TRAPPC10: variants seen among roughly 807,000 people sequenced by gnomAD.
TRAPPC10 encodes the protein trafficking protein particle complex subunit 10.
TRAPPC10 carries 23 observed loss-of-function variants against 125.5 expected under a neutral mutation model. That is an observed-to-expected ratio of 0.18 (90% CI 0.13 to 0.26). The LOEUF (loss-of-function observed/expected upper bound fraction) is 0.26. TRAPPC10 is among the 10% of genes least tolerant of loss of function. The pLI is 1.00. For synonymous variants in TRAPPC10, 509 were observed against 518.0 expected (o/e 0.98, Z 0.24); for missense variants, 1,123 against 1,308.4 (o/e 0.86, Z 2.19).
chr21:44,053,313 G>C (rs544156338), intron 4 of TRAPPC10, among the ~76,000 whole-genome samples: 3 of 152,098 alleles, frequency 2.0e-5, no homozygotes, highest in South Asian at 4.1e-4. Flanking sequence ...TACATAATAC[G>C]TGTGTGTATT....
Position 44,055,855 on chromosome 21 carries a change from G to C in TRAPPC10, c.640G>C (p.Glu214Gln), listed in dbSNP as rs760489413. The C allele has an allele frequency of 1.7e-5, 28 of 1,610,548 alleles. No homozygotes were observed. The highest frequency in any genetic ancestry group is 1.5e-4 in the Admixed American group (9 of 59,962). Residue 214 changes from glutamate (E) to glutamine (Q), a missense_variant, in exon 5 of 23, where the codon GAG becomes CAG. Physicochemically the swap from Glu to Gln is conservative, Grantham distance 29. Coordinates refer to ENST00000291574, the MANE Select transcript of TRAPPC10 (RefSeq NM_003274.5). The part of the protein sequence containing the change: ...DMRTLREKRT[E>Q]PGWSFCEYFM... ...GAGAACCTTGAGGGAGAAGAGGACT[G>C]AGCCAGGCTGGAGCTTTTGTGAATA...
intron 6 of TRAPPC10, chr21:44,062,557 C>T (rs780311471): frequency 3.7e-5 from 36 of 984,742 alleles, no homozygotes; most frequent in Non-Finnish European, 4.2e-5. Context: ...GGAGCCTAGC[C>T]AAGGGAACTG....
Position 44,087,009 on chromosome 21 carries a change from C to T in TRAPPC10, c.2539+49C>T, listed in dbSNP as rs755800431. On this transcript the variant is annotated intron_variant, in intron 16 of 22. Coordinates refer to ENST00000291574, the MANE Select transcript of TRAPPC10 (RefSeq NM_003274.5). The surrounding 1 kb of genome is among the most constrained non-coding windows in gnomAD (Gnocchi z 4.6). The stretch of plus-strand genomic sequence containing the variant: ...CAAGGAGGATGCCCACCTTGCCCTG[C>T]ACTGTGTGGGTGTGAGGGTGAGCCT... 6.2e-7 allele frequency: 1 copy of T among 1,600,800 alleles called. No homozygotes were observed. Among genetic ancestry groups the T allele is most frequent in the South Asian group, 1.1e-5 (1 of 89,790 alleles).
At chr21:44,026,326 C>T (rs942736786) in intron 1 of TRAPPC10, among the ~76,000 whole-genome samples, 2 of 152,132 alleles carry the variant, frequency 1.3e-5, no homozygotes, top group Non-Finnish European at 2.9e-5. Context: ...GAAAGAGCTC[C>T]CAATCTGAAG....
intron 3 of TRAPPC10, among the ~76,000 whole-genome samples, chr21:44,043,595 G>A (rs2034569088): frequency 6.6e-6 from 1 of 152,080 alleles, no homozygotes. Flanking sequence ...CACATGTCGA[G>A]TGTCCAAATT....
intron 3 of TRAPPC10, among the ~76,000 whole-genome samples, chr21:44,042,628 T>C (rs1354489675): frequency 6.6e-6 from 1 of 152,230 alleles, no homozygotes; most frequent in Non-Finnish European, 1.5e-5. Flanking sequence ...ATGTTAAATA[T>C]CCACAAGACC....
At chr21:44,054,675 C>T (rs2035447068) in intron 4 of TRAPPC10, among the ~76,000 whole-genome samples, 1 of 152,234 alleles carries the variant, frequency 6.6e-6, no homozygotes, top group Non-Finnish European at 1.5e-5. Flanking sequence ...CTTTTTACAT[C>T]ATGGGTTCAG....
In TRAPPC10 at chr21:44,059,693, A is replaced by G. The variant is rs2035889193; in HGVS notation, c.790+479A>G. 2 of 526,778 alleles carry G rather than the reference A, an allele frequency of 3.8e-6. No homozygotes were observed. Among genetic ancestry groups the G allele is most frequent in the Admixed American group, 3.3e-5 (1 of 30,130 alleles). 32.6% of individuals were successfully genotyped at this position (526,778 alleles called of 1,614,324 possible). ...ACAATTAAAGAATTAGCACAGTGAAACCATACACAGAGAGAAACATTGGTT... is the reference window on the plus strand; with the variant it reads ...ACAATTAAAGAATTAGCACAGTGAAGCCATACACAGAGAGAAACATTGGTT... On this transcript the variant is annotated intron_variant, in intron 6 of 22. Coordinates refer to ENST00000291574, the MANE Select transcript of TRAPPC10 (RefSeq NM_003274.5). This position sits in a 1 kb window ranked among gnomAD's most constrained non-coding sequence, Gnocchi z 4.4.
chr21:44,054,130 C>G (rs771561059), intron 4 of TRAPPC10, among the ~76,000 whole-genome samples: 1 of 152,180 alleles, frequency 6.6e-6, no homozygotes, highest in Non-Finnish European at 1.5e-5. Context: ...TAAGGATAAA[C>G]TACCTAACTC....
intron 1 of TRAPPC10, among the ~76,000 whole-genome samples, chr21:44,030,185 T>C (rs1156401183): frequency 2.6e-5 from 4 of 152,198 alleles, no homozygotes; most frequent in Non-Finnish European, 5.9e-5. Context: ...ACGGATGTTA[T>C]TTGTATACGT....
intron 15 of TRAPPC10, among the ~76,000 whole-genome samples, chr21:44,085,704 C>T (rs1365559115): frequency 7.8e-6 from 1 of 127,680 alleles, no homozygotes; most frequent in Non-Finnish European, 1.5e-5. Flanking sequence ...AAAACTCCAT[C>T]TCTTAAAAAA....
chr21:44,064,211 C>T (rs1193872080), intron 7 of TRAPPC10, among the ~76,000 whole-genome samples: 1 of 152,202 alleles, frequency 6.6e-6, no homozygotes, highest in Non-Finnish European at 1.5e-5. Context: ...TAGTTTTGCA[C>T]ATGGCCATGC....
At chr21:44,060,201 A>C (rs550304207) in intron 6 of TRAPPC10, 1 of 152,316 alleles carries the variant, frequency 6.6e-6, no homozygotes, top group South Asian at 2.1e-4. Context: ...GTATAGACAC[A>C]GAACCAAAGC....
chr21:44,028,917 T>C (rs953443489), intron 1 of TRAPPC10, among the ~76,000 whole-genome samples: 4 of 152,234 alleles, frequency 2.6e-5, no homozygotes, highest in Non-Finnish European at 4.4e-5. Flanking sequence ...AAATTTAGCC[T>C]GGAACGTGCT....
chr21:44,041,751 G>T (rs922554736), intron 3 of TRAPPC10, among the ~76,000 whole-genome samples: 2 of 151,628 alleles, frequency 1.3e-5, no homozygotes, highest in African/African-American at 4.9e-5. Flanking sequence ...TTTTGAGACG[G>T]ACTCTCACTC....
chr21:44,029,169 A>G (rs1273607825), intron 1 of TRAPPC10, among the ~76,000 whole-genome samples: 9 of 152,064 alleles, frequency 5.9e-5, no homozygotes, highest in Non-Finnish European at 1.2e-4. Flanking sequence ...ATCTCGGCTC[A>G]CTGCAAGCTC....
At position 44,037,787 on chromosome 21, in the gene TRAPPC10, TAC is replaced by T. The variant is rs773799487; in HGVS notation, c.150-3_150-2del. Reference sequence around the variant, plus strand: ...TTCTCAGTGACTTCAAACAATTGTTTACAGGTCCTATGGCCGGGCTCCGAAGA... The same window carrying T: ...TTCTCAGTGACTTCAAACAATTGTTTAGGTCCTATGGCCGGGCTCCGAAGA... On this transcript the variant is annotated splice_region_variant and splice_polypyrimidine_tract_variant and intron_variant, in intron 2 of 22. Transcript: ENST00000291574. The T allele has an allele frequency of 6.2e-7, 1 of 1,611,662 alleles. No individual in the cohort carries two copies. Among genetic ancestry groups the T allele is most frequent in the South Asian group, 1.1e-5 (1 of 90,772 alleles).
chr21:44,087,609 G>A lies in TRAPPC10; in HGVS notation c.2540-90G>A. 1 of 1,140,608 alleles carries A rather than the reference G, an allele frequency of 8.8e-7. No homozygotes were observed. The highest frequency in any genetic ancestry group is 1.3e-6 in the Non-Finnish European group (1 of 774,680). The allele number at this position is 1,140,608 out of a possible 1,614,324, so 70.7% of individuals were successfully genotyped here. A position where few individuals can be genotyped will look rare whatever the true frequency, so the allele number is the denominator to read the frequency against. On this transcript the variant is annotated intron_variant, in intron 16 of 22. Transcript: ENST00000291574. This position sits in a 1 kb window ranked among gnomAD's most constrained non-coding sequence, Gnocchi z 4.6. ...CAGGAGCGGGAGAGGTTGAGCAGTG[G>A]CCTCACTGCTGGGCCATCACCTGCT...
At chr21:44,074,089 C>G (rs1437367343) in intron 7 of TRAPPC10, among the ~76,000 whole-genome samples, 1 of 152,024 alleles carries the variant, frequency 6.6e-6, no homozygotes, top group African/African-American at 2.4e-5. Flanking sequence ...TACATAAAAC[C>G]TGATAACACA....
Sources: gnomAD v4.1 joint callset for allele counts (sites outside exome capture counted in the v4.1 genomes callset) on GRCh38, gnomAD v4.1.1 for gene constraint, Gnocchi (gnomAD v3.1) non-coding constraint, MANE v1.5 for transcripts, NCBI Gene and HGNC (gene_info 2026-07-23, HGNC 2026-07-21) for gene names.